ZER1: variants seen among roughly 807,000 people sequenced by gnomAD.
ZER1 encodes the protein protein zer-1 homolog.
ZER1 carries 11 observed loss-of-function variants against 78.8 expected under a neutral mutation model. That is an observed-to-expected ratio of 0.14 (90% CI 0.09 to 0.23). The LOEUF (loss-of-function observed/expected upper bound fraction) is 0.23, where lower values mean the gene tolerates loss of function less well. ZER1 is among the 10% of genes least tolerant of loss of function. The probability of loss-of-function intolerance (pLI) is 1.00; values close to 1 mark genes in which losing one functional copy is unlikely to be tolerated. For missense variants in ZER1, 588 were observed against 996.9 expected (o/e 0.59, Z 5.52); for synonymous variants, 400 against 407.0 (o/e 0.98, Z 0.21).
intron 1 of ZER1, among the ~76,000 whole-genome samples, chr9:128,764,945 G>A (rs1446727276): frequency 6.6e-6 from 1 of 152,146 alleles, no homozygotes; most frequent in Non-Finnish European, 1.5e-5. Flanking sequence ...AGAGAAGAGA[G>A]AGAAAAACAG....
intron 8 of ZER1, 73 bp from the exon 9 acceptor site, chr9:128,742,818 G>C: frequency 6.9e-7 from 1 of 1,457,146 alleles, no homozygotes; most frequent in South Asian, 1.3e-5. Flanking sequence ...GAACTATCTA[G>C]AGGTATGAGC....
intron 1 of ZER1, among the ~76,000 whole-genome samples, chr9:128,761,952 T>G (rs1363156898): frequency 7.5e-4 from 1 of 1,334 alleles, no homozygotes; most frequent in African/African-American, 9.1e-4. Context: ...GAGGGAGCTG[T>G]GTAAACTAGA....
intron 13 of ZER1, among the ~76,000 whole-genome samples, chr9:128,739,608 C>T (rs1250701919): frequency 6.6e-6 from 1 of 152,122 alleles, no homozygotes; most frequent in Non-Finnish European, 1.5e-5. Flanking sequence ...GTGCCCGGCC[C>T]ACCTGTATGG....
In ZER1 at chr9:128,739,779, G is replaced by C. The variant is rs545584916; in HGVS notation, c.2042+152C>G. 5 of 910,444 alleles carry C rather than the reference G, an allele frequency of 5.5e-6. No homozygotes were observed. In the Admixed American group the frequency reaches 1.0e-4, roughly 19 times the overall value. The allele number at this position is 910,444 out of a possible 1,614,324, so 56.4% of individuals were successfully genotyped here. ...CGTGCCCTTATGTATGCTCTGTGCTGTGTGCGGCTACGTATCAATGAGTGA... is the reference window on the plus strand; with the variant it reads ...CGTGCCCTTATGTATGCTCTGTGCTCTGTGCGGCTACGTATCAATGAGTGA... On this transcript the variant is annotated intron_variant, in intron 13 of 15. Transcript: ENST00000291900.
intron 8 of ZER1, among the ~76,000 whole-genome samples, chr9:128,749,026 AAT>A (rs376684927): frequency 2.2e-4 from 32 of 144,184 alleles, no homozygotes; most frequent in Admixed American, 3.5e-4. Context: ...TCTTAATTAA[AAT>A]ATATATATAT....
intron 1 of ZER1, among the ~76,000 whole-genome samples, chr9:128,759,698 G>A (rs1863981327): frequency 6.6e-6 from 1 of 152,020 alleles, no homozygotes; most frequent in Admixed American, 6.6e-5. Flanking sequence ...GGGAGGCTGA[G>A]GCAGGAGAAT....
intron 1 of ZER1, among the ~76,000 whole-genome samples, chr9:128,762,899 G>A (rs1027672512): frequency 4.6e-5 from 7 of 152,202 alleles, no homozygotes; most frequent in African/African-American, 1.7e-4. Flanking sequence ...TGGAACCAGA[G>A]GGAGCACTGC....
In ZER1 at chr9:128,755,440, CAAG is replaced by C. The variant is rs1863826175; in HGVS notation, c.123_125del (p.Phe41del). 2 of 1,614,050 alleles carry C rather than the reference CAAG, an allele frequency of 1.2e-6. No individual in the cohort carries two copies. The highest frequency in any genetic ancestry group is 1.7e-6 in the Non-Finnish European group (2 of 1,180,024). ...CGAGCCGGTCACAGATCTCGCTGGG[CAAG>C]AAGATGTCCGGATGTAGCCGCAGGG... is the stretch of plus-strand genomic sequence containing the variant. On this transcript the variant is annotated inframe_deletion, in exon 2 of 16. Transcript: ENST00000291900. This position sits in a 1 kb window ranked among gnomAD's most constrained non-coding sequence, Gnocchi z 5.6.
chr9:128,766,391 T>C (rs1253315471), intron 1 of ZER1, among the ~76,000 whole-genome samples: 1 of 150,234 alleles, frequency 6.7e-6, no homozygotes, highest in East Asian at 2.0e-4. Flanking sequence ...ATTTTATATG[T>C]GTTAATTAAT....
intron 14 of ZER1, among the ~76,000 whole-genome samples, chr9:128,735,064 C>T (rs532112168): frequency 2.9e-5 from 1 of 34,886 alleles, no homozygotes; most frequent in Non-Finnish European, 1.9e-4. Flanking sequence ...AGATTTTGGA[C>T]TGTTCCTGCA....
At chr9:128,735,220 G>T in intron 14 of ZER1, 114 bp downstream of exon 14, 1 of 971,684 alleles carries the variant, frequency 1.0e-6, no homozygotes, top group Non-Finnish European at 1.5e-6. Flanking sequence ...TCTGCTCTGA[G>T]GCACAAAAGC....
intron 13 of ZER1, 117 bp downstream of exon 13, chr9:128,739,814 C>T: frequency 7.7e-7 from 1 of 1,300,200 alleles, no homozygotes. Context: ...AAAGCAGAAC[C>T]CTACAGAAGA....
chr9:128,764,574 C>T (rs1402807678), intron 1 of ZER1, among the ~76,000 whole-genome samples: 1 of 152,176 alleles, frequency 6.6e-6, no homozygotes, highest in African/African-American at 2.4e-5. Flanking sequence ...GCAGTGTTGA[C>T]CTTGCCACTC....
upstream of ZER1, among the ~76,000 whole-genome samples, chr9:128,772,182 C>T (rs1374757235): frequency 1.3e-5 from 2 of 152,270 alleles, no homozygotes; most frequent in Non-Finnish European, 2.9e-5. Flanking sequence ...CGGTGCCCGC[C>T]CTGGCGCTGC....
intron 13 of ZER1, among the ~76,000 whole-genome samples, chr9:128,736,769 C>T (rs1158175400): frequency 6.6e-6 from 1 of 151,014 alleles, no homozygotes; most frequent in Non-Finnish European, 1.5e-5. Context: ...ACCTTCCAGG[C>T]CATGCAAGTG....
At chr9:128,735,678 C>CTGGAGACCTCAGCA (rs1415393585) in intron 13 of ZER1, among the ~76,000 whole-genome samples, 1 of 146,424 alleles carries the variant, frequency 6.8e-6, no homozygotes, top group Admixed American at 6.9e-5. Context: ...GAGCAGAAAG[C>CTGGAGACCTCAGCA]TGGAGACCTC....
Position 128,741,645 on chromosome 9 carries a change from C to T in ZER1, c.1627G>A (p.Val543Ile). 4 of 1,614,164 alleles carry T rather than the reference C, an allele frequency of 2.5e-6. No individual in the cohort carries two copies. Among genetic ancestry groups the T allele is most frequent in the Non-Finnish European group, 3.4e-6 (4 of 1,180,034 alleles). The change falls in exon 11 of 16, where the codon GTC becomes ATC. Residue 543 changes from valine (V) to isoleucine (I), a missense_variant. Around this residue, in one of 3 missense-constraint regions of ZER1, gnomAD observed 60 missense variants for 163.3 expected, o/e 0.37. Transcript: ENST00000291900. The stretch of plus-strand genomic sequence containing the variant: ...AGGGCACTCCAGGAGAACTCCATGA[C>T]CTGGTCACACTGTGAGGGCAGGGCA... ...KKLLDKTCDQ[V>I]MEFSWSALWN... is the part of the protein sequence containing the mutation.
At chr9:128,758,345 C>T (rs764091374) in intron 1 of ZER1, among the ~76,000 whole-genome samples, 2 of 151,914 alleles carry the variant, frequency 1.3e-5, no homozygotes, top group African/African-American at 2.4e-5. Context: ...AGGCTGGTCT[C>T]GAACTCCTGA....
rs752518153 is a variant in ZER1 at position 128,740,627 on chromosome 9, T to C, written c.1853+145A>G. On this transcript the variant is annotated intron_variant, in intron 12 of 15. Transcript: ENST00000291900. The surrounding 1 kb of genome is among the most constrained non-coding windows in gnomAD (Gnocchi z 4.4). The stretch of plus-strand genomic sequence containing the variant: ...TTACAAAAGGACCACTTACGAAGGA[T>C]TGAATGAATAAGAAACCACATTATC... The C allele has an allele frequency of 2.7e-4, 155 of 578,874 alleles. No individual in the cohort carries two copies. Among genetic ancestry groups the C allele is most frequent in the Non-Finnish European group, 3.6e-4 (115 of 322,846 alleles). The allele number at this position is 578,874 out of a possible 1,614,324, so 35.9% of individuals were successfully genotyped here. A position where few individuals can be genotyped will look rare whatever the true frequency, so the allele number is the denominator to read the frequency against.
Sources: allele counts gnomAD v4.1 joint callset (sites outside exome capture counted in the v4.1 genomes callset), GRCh38; gene constraint gnomAD v4.1.1; regional missense constraint gnomAD v4.1.1; non-coding constraint Gnocchi (gnomAD v3.1); transcripts MANE v1.5; gene names NCBI Gene and HGNC (gene_info 2026-07-23, HGNC 2026-07-21).